Variants in KLF3 observed in about 807,000 individuals in gnomAD.
KLF3 encodes KLF transcription factor 3.
A neutral mutation model predicts 32.7 loss-of-function variants in KLF3; 6 were observed. That is an observed-to-expected ratio of 0.18 (90% CI 0.10 to 0.36). The LOEUF is 0.36. KLF3 is among the 10% of genes least tolerant of loss of function. KLF3 has a pLI of 1.00. For synonymous variants in KLF3, 145 were observed against 172.8 expected (o/e 0.84, Z 1.26); for missense variants, 338 against 449.7 (o/e 0.75, Z 2.25).
At position 38,700,160 on chromosome 4, in the gene KLF3, G is replaced by T. The variant is rs931288295; in HGVS notation, c.*2897G>T. ...TGGGCATTAACATTCTAAATTGCTT[G>T]GTTTGGAGAATGTGTTAGCAGCATA... is the stretch of plus-strand genomic sequence containing the variant. On this transcript the variant is annotated 3_prime_UTR_variant, in exon 6 of 6. Coordinates refer to ENST00000261438, the MANE Select transcript of KLF3 (RefSeq NM_016531.6). 5.9e-5 allele frequency: 9 copies of T among 152,188 alleles called. No individual in the cohort carries two copies. The highest frequency in any genetic ancestry group is 2.2e-4 in the African/African-American group (9 of 41,460). 9.4% of individuals were successfully genotyped at this position (152,188 alleles called of 1,614,324 possible).
In KLF3 at chr4:38,694,166, G is replaced by A. The variant is rs186357734; in HGVS notation, c.696-580G>A. The stretch of plus-strand genomic sequence containing the variant: ...GGCATTTGAAAATTGCACATGAATT[G>A]GCAGTCTCTAAGGGACTCCAATTAA... On this transcript the variant is annotated intron_variant, in intron 4 of 5. Transcript: ENST00000261438. 1.2e-3 allele frequency among the ~76,000 whole-genome samples: 185 copies of A among 152,192 alleles called. 2 individuals are homozygous for A. Among genetic ancestry groups the A allele is most frequent in the African/African-American group, 4.2e-3 (174 of 41,516 alleles).
chr4:38,667,718 C>T (rs1177293255), intron 1 of KLF3, among the ~76,000 whole-genome samples: 1 of 152,180 alleles, frequency 6.6e-6, no homozygotes, highest in African/African-American at 2.4e-5. Flanking sequence ...AGGATTAACA[C>T]CTTACAGTTT....
rs917624699 is a variant in KLF3 at position 38,700,333 on chromosome 4, A to G, written c.*3070A>G. Reference sequence around the variant, plus strand: ...GCACTAATGTGGAATTTGAAAGACTATTTTGCTGATACTGTATATATGCGC... The same window carrying G: ...GCACTAATGTGGAATTTGAAAGACTGTTTTGCTGATACTGTATATATGCGC... On this transcript the variant is annotated 3_prime_UTR_variant, in exon 6 of 6. Coordinates refer to ENST00000261438, the MANE Select transcript of KLF3 (RefSeq NM_016531.6). The G allele has an allele frequency of 4.6e-5, 7 of 152,136 alleles. No homozygotes were observed. The highest frequency in any genetic ancestry group is 1.7e-4 in the African/African-American group (7 of 41,400). The allele number at this position is 152,136 out of a possible 1,614,324, so 9.4% of individuals were successfully genotyped here.
intron 2 of KLF3, among the ~76,000 whole-genome samples, chr4:38,686,765 T>C (rs1197913279): frequency 6.6e-6 from 1 of 152,186 alleles, no homozygotes; most frequent in East Asian, 1.9e-4. Flanking sequence ...TCCCATAACC[T>C]TGATCTTAAC....
chr4:38,670,264 C>T (rs1027439514), intron 1 of KLF3, among the ~76,000 whole-genome samples: 5 of 152,200 alleles, frequency 3.3e-5, no homozygotes, highest in African/African-American at 9.7e-5. Flanking sequence ...GAGGCAGACC[C>T]TTTGCAGGAG....
In KLF3 at chr4:38,697,063, T is replaced by C. The variant is rs937318620; in HGVS notation, c.857-19T>C. On this transcript the variant is annotated intron_variant, in intron 5 of 5. Coordinates refer to ENST00000261438, the MANE Select transcript of KLF3 (RefSeq NM_016531.6). ...CTTTACAGAAAAAAAAAATAGCTCT[T>C]TTCTTTTTCCTTTTGCAGGAGAAAA... is the stretch of plus-strand genomic sequence containing the variant. The C allele has an allele frequency of 1.9e-6, 3 of 1,559,358 alleles. No individual in the cohort carries two copies. Among genetic ancestry groups the C allele is most frequent in the East Asian group, 2.3e-5 (1 of 44,220 alleles).
chr4:38,692,987 A>G (rs1331763634), intron 4 of KLF3, among the ~76,000 whole-genome samples: 1 of 150,786 alleles, frequency 6.6e-6, no homozygotes, highest in Admixed American at 6.6e-5. Flanking sequence ...TTTTAAATGA[A>G]TAATTCAGCC....
At position 38,689,793 on chromosome 4, in the gene KLF3, C is replaced by G; in HGVS notation, c.609C>G (p.Ile203Met). 2 of 1,611,926 alleles carry G rather than the reference C, an allele frequency of 1.2e-6. No homozygotes were observed. The highest frequency in any genetic ancestry group is 1.7e-6 in the Non-Finnish European group (2 of 1,178,434). Residue 203 changes from isoleucine to methionine, a missense_variant, in exon 4 of 6, where the codon ATC (isoleucine) becomes ATG (methionine). Coordinates refer to ENST00000261438, the MANE Select transcript of KLF3 (RefSeq NM_016531.6). Reference protein sequence around the residue: ...SQKKIKIEPGIEPQRTDYYPE... With the variant: ...SQKKIKIEPGMEPQRTDYYPE... ...AAAAAATTAAAATAGAACCTGGGAT[C>G]GAACCACAGAGGACAGATTATTATC...
In KLF3 at chr4:38,674,237, T is replaced by A. The variant is rs1249524365; in HGVS notation, c.-39-6350T>A. 6.6e-6 allele frequency among the ~76,000 whole-genome samples: 1 copy of A among 152,146 alleles called. No homozygotes were observed. Among genetic ancestry groups the A allele is most frequent in the Non-Finnish European group, 1.5e-5 (1 of 68,026 alleles). On this transcript the variant is annotated intron_variant, in intron 1 of 5. Transcript: ENST00000261438. This position sits in a 1 kb window ranked among gnomAD's most constrained non-coding sequence, Gnocchi z 4.1. Reference sequence around the variant, plus strand: ...TCCAGCTTAAAAATGCCTGCTGACATCTGTTGCCTGTCCCCTGTATTTCTG... The same window carrying A: ...TCCAGCTTAAAAATGCCTGCTGACAACTGTTGCCTGTCCCCTGTATTTCTG...
chr4:38,670,564 G>A (rs1722170794), intron 1 of KLF3, among the ~76,000 whole-genome samples: 1 of 152,186 alleles, frequency 6.6e-6, no homozygotes, highest in Non-Finnish European at 1.5e-5. Flanking sequence ...ATCTGTTCCT[G>A]TACTTTGCAT....
intron 2 of KLF3, among the ~76,000 whole-genome samples, chr4:38,683,257 T>C (rs971879821): frequency 6.6e-6 from 1 of 152,184 alleles, no homozygotes; most frequent in Non-Finnish European, 1.5e-5. Context: ...TGAATAAAAA[T>C]ATTTTATGGT....
intron 1 of KLF3, among the ~76,000 whole-genome samples, chr4:38,670,473 G>A (rs1722168309): frequency 6.6e-6 from 1 of 152,210 alleles, no homozygotes. Flanking sequence ...CAAATCAAGT[G>A]TGGGGTTTTT....
chr4:38,674,749 C>T lies in KLF3; in HGVS notation c.-39-5838C>T, dbSNP rs894332530. On this transcript the variant is annotated intron_variant, in intron 1 of 5. Coordinates refer to ENST00000261438, the MANE Select transcript of KLF3 (RefSeq NM_016531.6). This position sits in a 1 kb window ranked among gnomAD's most constrained non-coding sequence, Gnocchi z 4.1. ...GAAATAGGGAGATGAGAAGGGAGAA[C>T]GTCAGAGGCAGGTCTTGCTCTAACC... 3.4e-5 allele frequency among the ~76,000 whole-genome samples: 5 copies of T among 148,402 alleles called. No individual in the cohort carries two copies. Among genetic ancestry groups the T allele is most frequent in the Admixed American group, 2.7e-4 (4 of 14,804 alleles).
Position 38,697,808 on chromosome 4 carries a change from C to T in KLF3, c.*545C>T, listed in dbSNP as rs1371277916. On this transcript the variant is annotated 3_prime_UTR_variant, in exon 6 of 6. Transcript: ENST00000261438. ...GTCATTCTTCACAAATCTTGTCAACCTGGATCTTAGACTTCATCTGAATCG... is the reference window on the plus strand; with the variant it reads ...GTCATTCTTCACAAATCTTGTCAACTTGGATCTTAGACTTCATCTGAATCG... 2 of 152,262 alleles carry T rather than the reference C, an allele frequency of 1.3e-5. No homozygotes were observed. Among genetic ancestry groups the T allele is most frequent in the Admixed American group, 6.5e-5 (1 of 15,274 alleles). 9.4% of individuals were successfully genotyped at this position (152,262 alleles called of 1,614,324 possible).
Position 38,697,341 on chromosome 4 carries a change from A to C in KLF3, c.*78A>C. The C allele has an allele frequency of 7.9e-7, 1 of 1,262,026 alleles. No homozygotes were observed. The highest frequency in any genetic ancestry group is 1.1e-6 in the Non-Finnish European group (1 of 912,510). 78.2% of individuals were successfully genotyped at this position (1,262,026 alleles called of 1,614,324 possible). A position where few individuals can be genotyped will look rare whatever the true frequency, so the allele number is the denominator to read the frequency against. The stretch of plus-strand genomic sequence containing the variant: ...TGTCCTGCCTCCCATTATCTAACAC[A>C]TTTTTTACATGTACATTTTAATTTG... On this transcript the variant is annotated 3_prime_UTR_variant, in exon 6 of 6. Transcript: ENST00000261438.
At chr4:38,689,601 TGCTATAGTCTGCCAAAG>T in intron 3 of KLF3, 111 bp from the exon 4 acceptor site, 1 of 661,624 alleles carries the variant, frequency 1.5e-6, no homozygotes, top group South Asian at 2.1e-5. Flanking sequence ...GATTTGTTCC[TGCTATAGTCTGCCAAAG>T]GCAAATAAAC....
At chr4:38,678,554 T>C (rs1038819538) in intron 1 of KLF3, among the ~76,000 whole-genome samples, 4 of 152,218 alleles carry the variant, frequency 2.6e-5, no homozygotes, top group Non-Finnish European at 5.9e-5. Context: ...TGTCGAGTTA[T>C]TGATGAAATT....
Position 38,689,855 on chromosome 4 carries a change from C to A in KLF3, c.671C>A (p.Ser224Tyr). Residue 224 changes from serine (S) to tyrosine (Y), a missense_variant, in exon 4 of 6, where the codon TCC becomes TAC. Around this residue, in one of 2 missense-constraint regions of KLF3, gnomAD observed 272 missense variants for 313.4 expected, o/e 0.87. Coordinates refer to ENST00000261438, the MANE Select transcript of KLF3 (RefSeq NM_016531.6). ...EMSPPLMNSV[S>Y]PPQALLQENH... Reference sequence around the variant, plus strand: ...TCACCCCCCTTAATGAACTCAGTGTCCCCCCCGCAAGCATTGTTGCAAGAG... The same window carrying A: ...TCACCCCCCTTAATGAACTCAGTGTACCCCCCGCAAGCATTGTTGCAAGAG... 7.2e-7 allele frequency: 1 copy of A among 1,395,526 alleles called. No homozygotes were observed. Among genetic ancestry groups the A allele is most frequent in the Non-Finnish European group, 9.6e-7 (1 of 1,044,282 alleles). The allele number at this position is 1,395,526 out of a possible 1,614,324, so 86.4% of individuals were successfully genotyped here. A position where few individuals can be genotyped will look rare whatever the true frequency, so the allele number is the denominator to read the frequency against.
chr4:38,679,105 C>T (rs960777205), intron 1 of KLF3, among the ~76,000 whole-genome samples: 1 of 152,130 alleles, frequency 6.6e-6, no homozygotes, highest in Admixed American at 6.5e-5. Context: ...AAGAAAAAGA[C>T]AGGACAGGAT....
Sources: allele counts gnomAD v4.1 joint callset (sites outside exome capture counted in the v4.1 genomes callset), GRCh38; gene constraint gnomAD v4.1.1; regional missense constraint gnomAD v4.1.1; non-coding constraint Gnocchi (gnomAD v3.1); transcripts MANE v1.5; gene names NCBI Gene and HGNC (gene_info 2026-07-23, HGNC 2026-07-21).